The following TSNARE1 variants were observed in gnomAD, a reference collection of about 807,000 sequenced individuals.
TSNARE1 encodes the protein t-SNARE domain-containing protein 1.
Under a neutral mutation model 62.0 loss-of-function variants are expected in TSNARE1, and 49 were observed. The observed-to-expected ratio is 0.79, with a 90% CI of 0.63 to 1.00. The LOEUF is 1.00. Ranked by LOEUF, TSNARE1 falls within the 50% of genes least tolerant of loss-of-function variation. The pLI, the probability that TSNARE1 is intolerant of heterozygous loss-of-function variation, is 0.00. For synonymous variants in TSNARE1, 328 were observed against 294.4 expected (o/e 1.11, Z -1.17); for missense variants, 755 against 700.1 (o/e 1.08, Z -0.88).
At position 142,318,570 on chromosome 8, in the gene TSNARE1, C is replaced by A. The variant is rs748972129; in HGVS notation, c.958G>T (p.Ala320Ser). Residue 320 changes from alanine (A) to serine (S), a missense_variant, in exon 7 of 14, where the codon GCC (alanine) becomes TCC (serine). Coordinates refer to ENST00000524325, the MANE Select transcript of TSNARE1 (RefSeq NM_145003.5). ...AASASSVKQM[A>S]ELLRSSCPQE... Reference sequence around the variant, plus strand: ...GGGCAGGAGCTGCGCAGCAGCTCGGCCATCTGCTTCACGGAGCTGGCGCTG... The same window carrying A: ...GGGCAGGAGCTGCGCAGCAGCTCGGACATCTGCTTCACGGAGCTGGCGCTG... The A allele has an allele frequency of 2.5e-6, 4 of 1,613,508 alleles. No homozygotes were observed. Among genetic ancestry groups the A allele is most frequent in the Non-Finnish European group, 3.4e-6 (4 of 1,180,004 alleles).
intron 1 of TSNARE1, among the ~76,000 whole-genome samples, chr8:142,374,027 G>A (rs1836111041): frequency 6.6e-6 from 1 of 152,224 alleles, no homozygotes; most frequent in Non-Finnish European, 1.5e-5. Flanking sequence ...GTTCAGGCCA[G>A]GCGACATGGC....
rs571012093 is a variant in TSNARE1, at chr8:142,269,690, G to A, written c.1446+5091C>T. On this transcript the variant is annotated intron_variant, in intron 12 of 13. Coordinates refer to ENST00000524325, the MANE Select transcript of TSNARE1 (RefSeq NM_145003.5). ...GAAGATCTACAGAGGCTTCCTGGAG[G>A]TGGTGGGACTGAGGTCATCTGGTTT... The A allele has an allele frequency of 1.0e-4, 101 of 985,400 alleles. 3 individuals are homozygous for A. The South Asian group carries it at 3.9e-3, about 38-fold the overall frequency. The allele number at this position is 985,400 out of a possible 1,614,324, so 61.0% of individuals were successfully genotyped here.
intron 11 of TSNARE1, chr8:142,275,400 A>G (rs1266434018): frequency 1.0e-6 from 1 of 985,152 alleles, no homozygotes; most frequent in Non-Finnish European, 1.2e-6. Context: ...GGATCACGGG[A>G]GATGGTACCT....
intron 1 of TSNARE1, chr8:142,365,998 C>A (rs1466250939): frequency 7.3e-6 from 3 of 410,570 alleles, no homozygotes; most frequent in Non-Finnish European, 4.7e-6. Context: ...TTCCAATGTG[C>A]CAAAAATTGT....
intron 1 of TSNARE1, among the ~76,000 whole-genome samples, chr8:142,372,470 G>C (rs1835981669): frequency 6.6e-6 from 1 of 152,224 alleles, no homozygotes; most frequent in African/African-American, 2.4e-5. Context: ...TTAAGAGTGG[G>C]CACACTGGCT....
At chr8:142,304,207 G>C (rs1030465555) in intron 9 of TSNARE1, among the ~76,000 whole-genome samples, 1 of 152,264 alleles carries the variant, frequency 6.6e-6, no homozygotes, top group African/African-American at 2.4e-5. Flanking sequence ...GAGTGGGCGG[G>C]AGGAAGTGAG....
rs1828299940 is a variant in TSNARE1, at chr8:142,315,032, C to A, written c.1045G>T (p.Ala349Ser). The change falls in exon 8 of 14, where the codon GCC becomes TCC. Residue 349 changes from alanine (A) to serine (S), a missense_variant. By Grantham distance (99) the Ala-to-Ser change is moderately conservative. Transcript: ENST00000524325. ...TGCACCACTCCATAGCACTGAATGG[C>A]ATCTGAGAGCTGGGTTTTCAGCCGG... ...LDRLKTQLSD[A>S]IQCYGVVQKK... 1 of 1,614,088 alleles carries A rather than the reference C, an allele frequency of 6.2e-7. No individual in the cohort carries two copies. Among genetic ancestry groups the A allele is most frequent in the African/African-American group, 1.3e-5 (1 of 74,926 alleles).
Position 142,345,811 on chromosome 8 carries a change from A to C in TSNARE1, c.170T>G (p.Val57Gly). Residue 57 changes from valine (V) to glycine (G), a missense_variant, in exon 3 of 14, where the codon GTG becomes GGG. Coordinates refer to ENST00000524325, the MANE Select transcript of TSNARE1 (RefSeq NM_145003.5). ...CAGATCACCTTCCCCGTCCTTCCCC[A>C]CACAGCGGTTCTGCAGCTTGCTCTC... is the stretch of plus-strand genomic sequence containing the variant. ...SPESKLQNRC[V>G]GKDGEGDLGP... is the part of the protein sequence containing the mutation. 1 of 1,613,830 alleles carries C rather than the reference A, an allele frequency of 6.2e-7. No homozygotes were observed. Among genetic ancestry groups the C allele is most frequent in the Non-Finnish European group, 8.5e-7 (1 of 1,179,880 alleles).
intron 12 of TSNARE1, among the ~76,000 whole-genome samples, chr8:142,232,451 C>T (rs1449619375): frequency 2.0e-5 from 3 of 152,264 alleles, no homozygotes; most frequent in Admixed American, 2.0e-4. Context: ...TACCCTCCAT[C>T]CCCCAACCCG....
chr8:142,315,048 T>C lies in TSNARE1; in HGVS notation c.1029A>G (p.Lys343=), dbSNP rs1387651921. Residue 343 remains lysine, a synonymous_variant, in exon 8 of 14, where the codon AAA becomes AAG. Transcript: ENST00000524325. ...QQERPQLDRL[K]TQLSDAIQCY... ...ACTGAATGGCATCTGAGAGCTGGGT[T>C]TTCAGCCGGTCCAGCTGAGGACGCT... is the stretch of plus-strand genomic sequence containing the variant. 2 of 1,613,978 alleles carry C rather than the reference T, an allele frequency of 1.2e-6. No homozygotes were observed. Among genetic ancestry groups the C allele is most frequent in the Non-Finnish European group, 1.7e-6 (2 of 1,180,018 alleles).
chr8:142,287,681 C>T (rs574461305), intron 10 of TSNARE1, among the ~76,000 whole-genome samples: 3 of 135,370 alleles, frequency 2.2e-5, no homozygotes, highest in Admixed American at 7.7e-5. Flanking sequence ...CCCAGGACCC[C>T]GGCCAGATCT....
At chr8:142,246,748 G>T (rs72687331) in intron 12 of TSNARE1, among the ~76,000 whole-genome samples, 2,568 of 152,284 alleles carry the variant, frequency 0.017, 35 homozygotes, top group Admixed American at 0.028. Flanking sequence ...GTTCAAGGCC[G>T]CAGAGGCTGG....
chr8:142,376,781 C>A (rs1350280627), intron 1 of TSNARE1, among the ~76,000 whole-genome samples: 1 of 152,176 alleles, frequency 6.6e-6, no homozygotes, highest in African/African-American at 2.4e-5. Flanking sequence ...GAGTGGCAGA[C>A]CCGGGGCCTG....
intron 9 of TSNARE1, among the ~76,000 whole-genome samples, chr8:142,309,838 A>G (rs1403569174): frequency 6.6e-6 from 1 of 152,134 alleles, no homozygotes; most frequent in Admixed American, 6.5e-5. Flanking sequence ...CTGCTCAAAT[A>G]TGGGACTGAA....
At chr8:142,272,194 GTC>G (rs1420377113) in intron 12 of TSNARE1, among the ~76,000 whole-genome samples, 1 of 151,714 alleles carries the variant, frequency 6.6e-6, no homozygotes, top group African/African-American at 2.4e-5. Context: ...CATGCTGTCT[GTC>G]CATCCACCCA....
chr8:142,277,003 T>G, intron 11 of TSNARE1: 1 of 985,422 alleles, frequency 1.0e-6, no homozygotes, highest in Non-Finnish European at 1.2e-6. Flanking sequence ...CCCGGTGCTG[T>G]GCGGCCGCGT....
chr8:142,314,193 T>C lies in TSNARE1; in HGVS notation c.1131+191A>G, dbSNP rs141404394. On this transcript the variant is annotated intron_variant, in intron 9 of 13. Coordinates refer to ENST00000524325, the MANE Select transcript of TSNARE1 (RefSeq NM_145003.5). ...CCGTCCGCAGTCATTCTTTGGGAGC[T>C]GAGCCCTTGTCAGGCACTGTGCCAG... is the stretch of plus-strand genomic sequence containing the variant. Among the ~76,000 whole-genome samples, 176 of 152,376 alleles carry C rather than the reference T, an allele frequency of 1.2e-3. 1 individual carries two copies. In the East Asian group the frequency reaches 0.025, roughly 22 times the overall value.
At chr8:142,312,922 T>G (rs11167138) in intron 9 of TSNARE1, among the ~76,000 whole-genome samples, 1 of 152,044 alleles carries the variant, frequency 6.6e-6, no homozygotes, top group African/African-American at 2.4e-5. Context: ...GATCTGGGAA[T>G]GCGTGCCTCT....
chr8:142,230,595 A>G (rs537137828), intron 12 of TSNARE1, among the ~76,000 whole-genome samples: 39 of 152,250 alleles, frequency 2.6e-4, no homozygotes, highest in African/African-American at 9.1e-4. Flanking sequence ...GGGAGGGTAG[A>G]GAAGGGAGGG....
Sources: gnomAD v4.1 joint callset for allele counts (sites outside exome capture counted in the v4.1 genomes callset) on GRCh38, gnomAD v4.1.1 for gene constraint, MANE v1.5 for transcripts, NCBI Gene and HGNC (gene_info 2026-07-23, HGNC 2026-07-21) for gene names.